HLA-DQB1: variants seen among roughly 807,000 people sequenced by gnomAD.
HLA-DQB1 encodes major histocompatibility complex, class II, DQ beta 1, also known as HLA class II histocompatibility antigen, DQ beta 1 chain.
HLA-DQB1 carries 13 observed loss-of-function variants against 26.4 expected under a neutral mutation model. The ratio of observed to expected loss-of-function variants is 0.49; its 90% CI spans 0.32 to 0.78. The LOEUF (loss-of-function observed/expected upper bound fraction) is 0.78. Ranked by LOEUF, HLA-DQB1 falls within the 30% of genes least tolerant of loss-of-function variation. The pLI is 0.03. For missense variants in HLA-DQB1, 158 were observed against 326.2 expected (o/e 0.48, Z 3.97); for synonymous variants, 60 against 129.1 (o/e 0.46, Z 3.63).
intron 1 of HLA-DQB1, 58 bp from the exon 2 acceptor site, chr6:32,665,125 C>G (rs281862001): frequency 2.0e-6 from 2 of 1,007,866 alleles, no homozygotes; most frequent in Non-Finnish European, 2.7e-6. Flanking sequence ...CCGCAGCCGC[C>G]GCCCTGACCC....
intron 3 of HLA-DQB1, chr6:32,661,766 T>C (rs9273821): frequency 0.16 from 80,580 of 502,008 alleles, 10,384 homozygotes; most frequent in East Asian, 0.48. Context: ...AGCAACAGTA[T>C]GTAGAGTAAT....
chr6:32,666,046 A>AGTTG lies in HLA-DQB1; in HGVS notation c.109+452_109+453insCAAC, dbSNP rs1237867150. Among the ~76,000 whole-genome samples the AGTTG allele has an allele frequency of 0.015, 1,662 of 111,264 alleles. 120 individuals are homozygous for AGTTG. In the South Asian group the frequency reaches 0.18, roughly 12 times the overall value. 73.0% of individuals were successfully genotyped at this position (111,264 alleles called of 152,430 possible). On this transcript the variant is annotated intron_variant, in intron 1 of 4. Coordinates refer to ENST00000434651, the Ensembl canonical transcript of HLA-DQB1. ...GCCTCCACAAATGCTCCACTCGGTC[A>AGTTG]GGAATAGAGACAAATTTTCCTCAAA...
rs28746847 is a variant in HLA-DQB1 at position 32,666,485 on chromosome 6, T to C, written c.109+14A>G. 1.1e-6 allele frequency: 1 copy of C among 912,170 alleles called. No homozygotes were observed. The highest frequency in any genetic ancestry group is 1.7e-6 in the Non-Finnish European group (1 of 596,800). The allele number at this position is 912,170 out of a possible 1,614,324, so 56.5% of individuals were successfully genotyped here. A position where few individuals can be genotyped will look rare whatever the true frequency, so the allele number is the denominator to read the frequency against. On this transcript the variant is annotated intron_variant, in intron 1 of 4. Transcript: ENST00000434651. ...CAGAGTGGCGGCTCTGGAGAGCAGC[T>C]GCCCTGCACTTACCGGGAGAGTCTC...
At chr6:32,661,316 C>G (rs9273598) in intron 4 of HLA-DQB1, 31 bp downstream of exon 4, 1 of 1,342,512 alleles carries the variant, frequency 7.4e-7, no homozygotes, top group Non-Finnish European at 1.0e-6. Context: ...GGTCACAGCC[C>G]ATCTTCCCCT....
rs763827489 is a variant in HLA-DQB1, at chr6:32,664,853, G to A, written c.324C>T (p.Asp108=). Residue 108 remains aspartate (D), a synonymous_variant, in exon 2 of 5, where the codon GAC becomes GAT. Coordinates refer to ENST00000434651, the Ensembl canonical transcript of HLA-DQB1. Reference sequence around the variant, plus strand: ...CCTCGTAGTTGTGTCTGCACACCGTGTCCAACTCCGCCCGGGTCCCCTCCA... The same window carrying A: ...CCTCGTAGTTGTGTCTGCACACCGTATCCAACTCCGCCCGGGTCCCCTCCA... 2.6e-6 allele frequency: 3 copies of A among 1,134,204 alleles called. No individual in the cohort carries two copies. In the South Asian group the frequency reaches 3.9e-5, roughly 15 times the overall value. 70.3% of individuals were successfully genotyped at this position (1,134,204 alleles called of 1,614,324 possible).
At chr6:32,660,245 A>G (rs1140347) in exon 5 of HLA-DQB1, 97,437 of 940,924 alleles carry the variant, frequency 0.1, 29,150 homozygotes, top group Admixed American at 0.34. Context: ...GTCAGTGCAG[A>G]AGCCCTGGAG....
intron 4 of HLA-DQB1, chr6:32,660,770 C>CCG: frequency 2.7e-6 from 2 of 729,316 alleles, no homozygotes; most frequent in Non-Finnish European, 4.4e-6. Flanking sequence ...AGGCCATGAA[C>CCG]ATGGACCACT....
chr6:32,662,339 A>T (rs281864038), intron 2 of HLA-DQB1, 91 bp from the exon 3 acceptor site: 1 of 539,786 alleles, frequency 1.9e-6, no homozygotes. Context: ...TCCTTGGACC[A>T]GAGTGGAAAG....
At chr6:32,660,681 G>C (rs1273010990) in intron 4 of HLA-DQB1, 2 of 430,480 alleles carry the variant, frequency 4.6e-6, no homozygotes, top group Non-Finnish European at 8.4e-6. Context: ...GTTAAGGCTT[G>C]GTTCTGGGGA....
chr6:32,665,310 A>G (rs281874780), intron 1 of HLA-DQB1, among the ~76,000 whole-genome samples: 49,430 of 132,974 alleles, frequency 0.37, 10,760 homozygotes, highest in Middle Eastern at 0.55. Flanking sequence ...TCCCTGCCTG[A>G]GCCTGTGAAC....
chr6:32,660,509 A>T, intron 4 of HLA-DQB1: 1 of 351,204 alleles, frequency 2.8e-6, no homozygotes, highest in Non-Finnish European at 5.1e-6. Flanking sequence ...TTTTTAGGAA[A>T]TTGGATGATA....
Position 32,665,799 on chromosome 6 carries a change from GGAGT to G in HLA-DQB1, c.109+696_109+699del, listed in dbSNP as rs138584745. Among the ~76,000 whole-genome samples, 2,114 of 106,828 alleles carry G rather than the reference GGAGT, an allele frequency of 0.02. 253 individuals are homozygous for G. The South Asian group carries it at 0.22, about 11-fold the overall frequency. 70.1% of individuals were successfully genotyped at this position (106,828 alleles called of 152,430 possible). A position where few individuals can be genotyped will look rare whatever the true frequency, so the allele number is the denominator to read the frequency against. On this transcript the variant is annotated intron_variant, in intron 1 of 4. Transcript: ENST00000434651. ...GATATCTACACACAGGATGTTAGAAGGAGTGAGAGAGAAGTTATATAAAGTATTG... is the reference window on the plus strand; with the variant it reads ...GATATCTACACACAGGATGTTAGAAGGAGAGAGAAGTTATATAAAGTATTG...
rs68027833 is a variant in HLA-DQB1 at position 32,662,251 on chromosome 6, G to A, written c.380-3C>T. On this transcript the variant is annotated splice_polypyrimidine_tract_variant and splice_region_variant and intron_variant, in intron 2 of 4. Coordinates refer to ENST00000434651, the Ensembl canonical transcript of HLA-DQB1. Reference sequence around the variant, plus strand: ...GGAGATGGTCACTGTGGGCTCCACTGAGGGCAGTAACAGACAGGAAAAGAC... The same window carrying A: ...GGAGATGGTCACTGTGGGCTCCACTAAGGGCAGTAACAGACAGGAAAAGAC... 253,153 of 1,227,646 alleles carry A rather than the reference G, an allele frequency of 0.21. 53,256 individuals carry two copies. Among genetic ancestry groups the A allele is most frequent in the African/African-American group, 0.27 (14,485 of 53,436 alleles). 76.0% of individuals were successfully genotyped at this position (1,227,646 alleles called of 1,614,324 possible). A position where few individuals can be genotyped will look rare whatever the true frequency, so the allele number is the denominator to read the frequency against.
At chr6:32,664,649 G>GCCCCCCCCCCCCCCCCCCCCC in intron 2 of HLA-DQB1, 149 bp downstream of exon 2, 1 of 210,464 alleles carries the variant, frequency 4.8e-6, no homozygotes, top group South Asian at 3.7e-5. Flanking sequence ...CGATGCACCT[G>GCCCCCCCCCCCCCCCCCCCCC]CCCCCACCAC....
At chr6:32,665,861 G>A (rs281861363) in intron 1 of HLA-DQB1, among the ~76,000 whole-genome samples, 3,673 of 119,204 alleles carry the variant, frequency 0.031, 81 homozygotes, top group Middle Eastern at 0.12. Context: ...CACAATATGT[G>A]TTATTTCCCT....
intron 4 of HLA-DQB1, chr6:32,660,835 A>C (rs281864391): frequency 7.2e-7 from 1 of 1,383,270 alleles, no homozygotes; most frequent in South Asian, 1.3e-5. Context: ...GCCTCCCCAC[A>C]CTGGATCATG....
At chr6:32,662,670 A>T (rs281863843) in intron 2 of HLA-DQB1, 31,450 of 131,916 alleles carry the variant, frequency 0.24, 7,331 homozygotes, top group South Asian at 0.29. Flanking sequence ...TAGTAAAAAA[A>T]ATGACACATC....
At chr6:32,664,609 C>T (rs67842782) in intron 2 of HLA-DQB1, 189 bp downstream of exon 2, 65,226 of 296,170 alleles carry the variant, frequency 0.22, 19,510 homozygotes, top group African/African-American at 0.26. Context: ...TCTGCTTGTC[C>T]CCCTGCTCTG....
In HLA-DQB1 at chr6:32,666,524, TA is replaced by T. The variant is rs754778659; in HGVS notation, c.83del (p.Leu28HisfsTer32). 2.3e-6 allele frequency: 2 copies of T among 876,450 alleles called. No homozygotes were observed. The highest frequency in any genetic ancestry group is 4.5e-5 in the Admixed American group (1 of 21,996). 54.3% of individuals were successfully genotyped at this position (876,450 alleles called of 1,614,324 possible). ...CGGGAGAGTCTCTGCCCTCAGCCAG[TA>T]GGGAGCTCAGCATCGCCAGCATCAA... On this transcript the variant is annotated frameshift_variant, in exon 1 of 5. Transcript: ENST00000434651. LOFTEE classifies it high-confidence loss of function.
Sources: allele counts gnomAD v4.1 joint callset (sites outside exome capture counted in the v4.1 genomes callset), GRCh38; gene constraint gnomAD v4.1.1; transcripts MANE v1.5; gene names NCBI Gene and HGNC (gene_info 2026-07-23, HGNC 2026-07-21).